Variants in IGF2BP3 observed in about 807,000 individuals in gnomAD.
IGF2BP3 encodes the protein insulin-like growth factor 2 mRNA-binding protein 3.
IGF2BP3 carries 9 observed loss-of-function variants against 73.8 expected under a neutral mutation model. The ratio of observed to expected loss-of-function variants is 0.12; its 90% CI spans 0.07 to 0.21. The LOEUF is 0.21. IGF2BP3 is among the 10% of genes least tolerant of loss of function. The pLI is 1.00. For missense variants in IGF2BP3, 542 were observed against 714.0 expected (o/e 0.76, Z 2.75); for synonymous variants, 258 against 256.7 (o/e 1.01, Z -0.05).
intron 13 of IGF2BP3, 60 bp downstream of exon 13, chr7:23,313,462 T>C: frequency 1.5e-5 from 24 of 1,583,706 alleles, no homozygotes; most frequent in East Asian, 2.2e-5. Flanking sequence ...TTGGAACTCC[T>C]AAGTACCTTT....
chr7:23,414,835 C>T (rs1253859732), intron 3 of IGF2BP3: 2 of 169,862 alleles, frequency 1.2e-5, no homozygotes, highest in Non-Finnish European at 2.5e-5. Context: ...TCCCGTCCAT[C>T]AGTCGACATC....
At chr7:23,400,232 T>C (rs1291268304) in intron 3 of IGF2BP3, among the ~76,000 whole-genome samples, 1 of 152,216 alleles carries the variant, frequency 6.6e-6, no homozygotes, top group Non-Finnish European at 1.5e-5. Context: ...GGCAAATGCA[T>C]CTAAGATTAT....
chr7:23,456,550 T>A (rs1443627707), intron 2 of IGF2BP3, among the ~76,000 whole-genome samples: 1 of 152,242 alleles, frequency 6.6e-6, no homozygotes, highest in Admixed American at 6.5e-5. Context: ...TACAGCTTTT[T>A]ACTTAATTTT....
intron 11 of IGF2BP3, among the ~76,000 whole-genome samples, chr7:23,318,662 G>C (rs1305726198): frequency 6.6e-6 from 1 of 152,178 alleles, no homozygotes; most frequent in Non-Finnish European, 1.5e-5. Flanking sequence ...ACTGTGCATA[G>C]CCTGTATTTT....
intron 10 of IGF2BP3, among the ~76,000 whole-genome samples, chr7:23,332,504 A>C (rs745794501): frequency 2.0e-5 from 3 of 152,244 alleles, no homozygotes; most frequent in Non-Finnish European, 4.4e-5. Flanking sequence ...CATCAGAAGA[A>C]GACTTGCCTT....
chr7:23,397,052 A>C (rs1786499470), intron 3 of IGF2BP3, among the ~76,000 whole-genome samples: 1 of 152,164 alleles, frequency 6.6e-6, no homozygotes, highest in South Asian at 2.1e-4. Context: ...CCATTCGACT[A>C]TTCTGAGGTT....
At position 23,342,073 on chromosome 7, in the gene IGF2BP3, C is replaced by T. The variant is rs369113302; in HGVS notation, c.1194G>A (p.Pro398=). The T allele has an allele frequency of 2.2e-5, 35 of 1,574,540 alleles. No homozygotes were observed. The highest frequency in any genetic ancestry group is 6.8e-5 in the East Asian group (3 of 44,268). The stretch of plus-strand genomic sequence containing the variant: ...AGGCCAGTTATCTTACCTCAAACTG[C>T]GGGTAGGGAGGAGTCATGGCTGAAG... ...GPPSAMTPPY[P]QFEQSETETV... The change falls in exon 10 of 15, where the codon CCG becomes CCA. Residue 398 remains proline, a synonymous_variant. Transcript: ENST00000258729.
intron 12 of IGF2BP3, among the ~76,000 whole-genome samples, chr7:23,317,272 G>T (rs1784017842): frequency 6.6e-6 from 1 of 152,110 alleles, no homozygotes; most frequent in Non-Finnish European, 1.5e-5. Context: ...GGAAAAAGGG[G>T]GCATTTTAAT....
In IGF2BP3 at chr7:23,379,026, C is replaced by T. The variant is rs139175961; in HGVS notation, c.286-17285G>A. On this transcript the variant is annotated intron_variant, in intron 3 of 14. Transcript: ENST00000258729. ...TGGCATATTGAACACACTGCTAGGA[C>T]AAGGTCAGAGTTCTATGGAAGAAAG... Among the ~76,000 whole-genome samples the T allele has an allele frequency of 2.1e-3, 319 of 152,276 alleles. 4 individuals carry two copies. The highest frequency in any genetic ancestry group is 7.0e-3 in the African/African-American group (290 of 41,556).
chr7:23,394,053 TA>T (rs1786370242), intron 3 of IGF2BP3, among the ~76,000 whole-genome samples: 1 of 151,732 alleles, frequency 6.6e-6, no homozygotes, highest in Non-Finnish European at 1.5e-5. Context: ...CAGACAGGTA[TA>T]GGGGTTGTGT....
intron 3 of IGF2BP3, among the ~76,000 whole-genome samples, chr7:23,370,141 G>A (rs762899835): frequency 6.6e-6 from 1 of 152,030 alleles, no homozygotes; most frequent in African/African-American, 2.4e-5. Context: ...CTCTAGTCAC[G>A]CCCTCAAAAC....
At chr7:23,321,806 G>C (rs1583881364) in intron 10 of IGF2BP3, among the ~76,000 whole-genome samples, 1 of 152,186 alleles carries the variant, frequency 6.6e-6, no homozygotes, top group African/African-American at 2.4e-5. Context: ...CCCCCCAGCA[G>C]GGGCACACTG....
chr7:23,387,582 C>A (rs1267531954), intron 3 of IGF2BP3, among the ~76,000 whole-genome samples: 8 of 152,148 alleles, frequency 5.3e-5, no homozygotes, highest in African/African-American at 1.7e-4. Flanking sequence ...TGTGTGGGAA[C>A]TCTACACTAT....
At chr7:23,426,786 T>C (rs1295320744) in intron 2 of IGF2BP3, among the ~76,000 whole-genome samples, 1 of 152,198 alleles carries the variant, frequency 6.6e-6, no homozygotes, top group Non-Finnish European at 1.5e-5. Context: ...ACCTCTGATA[T>C]CTTTCTATGA....
intron 3 of IGF2BP3, among the ~76,000 whole-genome samples, chr7:23,377,842 G>A (rs928143870): frequency 3.3e-5 from 5 of 152,280 alleles, no homozygotes; most frequent in Admixed American, 6.5e-5. Context: ...AAGGAAGCCA[G>A]ACATAAAAGG....
At chr7:23,327,590 TAA>T (rs35392117) in intron 10 of IGF2BP3, among the ~76,000 whole-genome samples, 1 of 152,174 alleles carries the variant, frequency 6.6e-6, no homozygotes. Flanking sequence ...CTGAAATTCT[TAA>T]AAAGTCTCAA....
At chr7:23,442,100 C>T (rs1354484215) in intron 2 of IGF2BP3, among the ~76,000 whole-genome samples, 1 of 152,218 alleles carries the variant, frequency 6.6e-6, no homozygotes, top group African/African-American at 2.4e-5. Context: ...GCACTCCAGC[C>T]TGGGCAACAA....
At chr7:23,403,534 A>T (rs1216168195) in intron 3 of IGF2BP3, among the ~76,000 whole-genome samples, 2 of 152,222 alleles carry the variant, frequency 1.3e-5, no homozygotes, top group African/African-American at 4.8e-5. Flanking sequence ...CAATAAAAAC[A>T]CTGATGAAAT....
At position 23,317,642 on chromosome 7, in the gene IGF2BP3, G is replaced by A. The variant is rs1159180051; in HGVS notation, c.1392C>T (p.Phe464=). ...VIITGPPEAQ[F]KAQGRIYGKI... ...GCACATACTCTAGAGCACATACCTT[G>A]AACTGAGCCTCTGGTGGTCCAGTGA... The change falls in exon 12 of 15, where the codon TTC becomes TTT. Residue 464 remains phenylalanine (F), a synonymous_variant. Transcript: ENST00000258729. 3.7e-6 allele frequency: 6 copies of A among 1,613,372 alleles called. No homozygotes were observed. The East Asian group carries it at 1.1e-4, about 30-fold the overall frequency.
Sources: allele counts gnomAD v4.1 joint callset (sites outside exome capture counted in the v4.1 genomes callset), GRCh38; gene constraint gnomAD v4.1.1; transcripts MANE v1.5; gene names NCBI Gene and HGNC (gene_info 2026-07-23, HGNC 2026-07-21).